The following PIP5K1B variants were observed in gnomAD, a reference collection of about 807,000 sequenced individuals.
The protein encoded by PIP5K1B is phosphatidylinositol-4-phosphate 5-kinase type 1 beta.
Under a neutral mutation model 67.0 loss-of-function variants are expected in PIP5K1B, and 42 were observed. The observed-to-expected ratio is 0.63, with a 90% confidence interval of 0.49 to 0.81. The LOEUF (loss-of-function observed/expected upper bound fraction) is 0.81, where lower values mean the gene tolerates loss of function less well. Ranked by LOEUF, PIP5K1B falls within the 30% of genes least tolerant of loss-of-function variation. The pLI is 0.00. For missense variants in PIP5K1B, 459 were observed against 646.3 expected (o/e 0.71, Z 3.14); for synonymous variants, 214 against 231.4 (o/e 0.92, Z 0.68).
intron 2 of PIP5K1B, among the ~76,000 whole-genome samples, chr9:68,752,634 G>A (rs1415933801): frequency 1.3e-5 from 2 of 151,784 alleles, no homozygotes; most frequent in African/African-American, 4.8e-5. Context: ...GGACTGCAAA[G>A]CCCATATTTC....
intron 14 of PIP5K1B, among the ~76,000 whole-genome samples, chr9:68,981,494 G>A (rs1377230586): frequency 6.6e-6 from 1 of 151,946 alleles, no homozygotes; most frequent in Non-Finnish European, 1.5e-5. Context: ...GGGGAGGGCA[G>A]GAGGTTGTTG....
intron 4 of PIP5K1B, among the ~76,000 whole-genome samples, chr9:68,862,515 C>T (rs1341181035): frequency 1.3e-5 from 2 of 151,970 alleles, no homozygotes; most frequent in East Asian, 1.9e-4. Flanking sequence ...GGAAGTGGGC[C>T]GGGCATGGTG....
intron 12 of PIP5K1B, among the ~76,000 whole-genome samples, chr9:68,932,237 G>A (rs1014286367): frequency 1.4e-4 from 22 of 151,932 alleles, no homozygotes; most frequent in African/African-American, 4.8e-4. Flanking sequence ...CTGTTTCTTC[G>A]TTTAGAGAAA....
chr9:68,974,766 T>C (rs1829552832), intron 14 of PIP5K1B, among the ~76,000 whole-genome samples: 1 of 152,272 alleles, frequency 6.6e-6, no homozygotes, highest in Non-Finnish European at 1.5e-5. Context: ...TGAACAGTTA[T>C]AATTACAGTG....
In PIP5K1B at chr9:68,932,124, A is replaced by G. The variant is rs186181686; in HGVS notation, c.1202-2766A>G. On this transcript the variant is annotated intron_variant, in intron 12 of 15. Coordinates refer to ENST00000265382, the MANE Select transcript of PIP5K1B (RefSeq NM_003558.4). The stretch of plus-strand genomic sequence containing the variant: ...TTTCCAGTCTTTTGGCCCTCACTCC[A>G]TGAAATGCCATGAGTATAGGTCTCC... Among the ~76,000 whole-genome samples, 315 of 152,310 alleles carry G rather than the reference A, an allele frequency of 2.1e-3. 4 individuals carry two copies. The highest frequency in any genetic ancestry group is 3.5e-3 in the Non-Finnish European group (241 of 68,034).
At chr9:68,968,142 C>G (rs1829136662) in intron 14 of PIP5K1B, among the ~76,000 whole-genome samples, 1 of 152,156 alleles carries the variant, frequency 6.6e-6, no homozygotes, top group Admixed American at 6.5e-5. Flanking sequence ...AGTCCCTTTC[C>G]TCATCTATAT....
chr9:69,000,894 C>CTTTTTTTTTTTTT (rs35077587), intron 15 of PIP5K1B, among the ~76,000 whole-genome samples: 1 of 144,538 alleles, frequency 6.9e-6, no homozygotes, highest in African/African-American at 2.6e-5. Flanking sequence ...GGGAGCACAA[C>CTTTTTTTTTTTTT]TTTTTTTTTT....
chr9:68,935,174 A>C, intron 13 of PIP5K1B, 129 bp downstream of exon 13: 1 of 817,558 alleles, frequency 1.2e-6, no homozygotes, highest in Non-Finnish European at 1.9e-6. Flanking sequence ...TTTTTAAAGG[A>C]TAGCTGCAGT....
At chr9:69,007,809 A>T (rs1378639576) in intron 15 of PIP5K1B, among the ~76,000 whole-genome samples, 1 of 152,010 alleles carries the variant, frequency 6.6e-6, no homozygotes, top group African/African-American at 2.4e-5. Context: ...GTGAGCTGAG[A>T]TCTTGCCACT....
At chr9:68,917,928 A>G (rs1381055412) in intron 9 of PIP5K1B, among the ~76,000 whole-genome samples, 169 bp downstream of exon 9, 1 of 152,156 alleles carries the variant, frequency 6.6e-6, no homozygotes. Flanking sequence ...AGATAACTAG[A>G]TGAGTGGCAG....
At chr9:68,853,773 C>T (rs1052069636) in intron 4 of PIP5K1B, among the ~76,000 whole-genome samples, 10 of 151,992 alleles carry the variant, frequency 6.6e-5, no homozygotes, top group East Asian at 1.9e-4. Context: ...TAGCCATTTG[C>T]GGGGGAGAAC....
chr9:68,903,306 T>C (rs1825454794), intron 8 of PIP5K1B, among the ~76,000 whole-genome samples: 1 of 152,206 alleles, frequency 6.6e-6, no homozygotes, highest in African/African-American at 2.4e-5. Flanking sequence ...ATGCACATAA[T>C]AAAAGCAGGT....
At chr9:68,857,959 T>TCTG (rs1554724719) in intron 4 of PIP5K1B, among the ~76,000 whole-genome samples, 1 of 149,306 alleles carries the variant, frequency 6.7e-6, no homozygotes, top group Non-Finnish European at 1.5e-5. Flanking sequence ...CTCTTGCTGT[T>TCTG]TTGTTGTTGT....
In PIP5K1B at chr9:68,991,314, C is replaced by T. The variant is rs1830357324; in HGVS notation, c.1620+57C>T. On this transcript the variant is annotated intron_variant, in intron 15 of 15. Transcript: ENST00000265382. ...TTCTGGTTTGTAAATGGATCCAGGC[C>T]ATGGCTTACACAAGAACAAGTTCAA... 4 of 907,638 alleles carry T rather than the reference C, an allele frequency of 4.4e-6. No individual in the cohort carries two copies. In the South Asian group the frequency reaches 5.3e-5, roughly 12 times the overall value. The allele number at this position is 907,638 out of a possible 1,614,324, so 56.2% of individuals were successfully genotyped here. A position where few individuals can be genotyped will look rare whatever the true frequency, so the allele number is the denominator to read the frequency against.
chr9:68,923,263 A>G, intron 11 of PIP5K1B, 39 bp from the exon 12 acceptor site: 1 of 1,090,200 alleles, frequency 9.2e-7, no homozygotes, highest in East Asian at 2.4e-5. Flanking sequence ...GATGAACATT[A>G]AGAGGTGACC....
Position 68,789,515 on chromosome 9 carries a change from AG to A in PIP5K1B, c.-85-28942del, listed in dbSNP as rs543256888. On this transcript the variant is annotated intron_variant, in intron 2 of 15. Coordinates refer to ENST00000265382, the MANE Select transcript of PIP5K1B (RefSeq NM_003558.4). ...GGTAAACACTTAAGAGACAGTGGTGAGGGGTAGGGATAACTGGAGGCACACT... is the reference window on the plus strand; with the variant it reads ...GGTAAACACTTAAGAGACAGTGGTGAGGGTAGGGATAACTGGAGGCACACT... The A allele has an allele frequency of 2.0e-4, 106 of 519,662 alleles. 1 individual carries two copies. In the East Asian group the frequency reaches 5.5e-3, roughly 27 times the overall value. The allele number at this position is 519,662 out of a possible 1,614,324, so 32.2% of individuals were successfully genotyped here. A position where few individuals can be genotyped will look rare whatever the true frequency, so the allele number is the denominator to read the frequency against.
At chr9:68,785,901 G>A (rs933412537) in intron 2 of PIP5K1B, among the ~76,000 whole-genome samples, 2 of 152,166 alleles carry the variant, frequency 1.3e-5, no homozygotes, top group African/African-American at 4.8e-5. Flanking sequence ...TTTATGAAGC[G>A]ATTGTTTCTG....
intron 4 of PIP5K1B, among the ~76,000 whole-genome samples, chr9:68,846,564 G>A (rs1185777734): frequency 1.3e-5 from 2 of 152,186 alleles, no homozygotes; most frequent in East Asian, 3.8e-4. Flanking sequence ...TTGGTAAACA[G>A]CAAGTCACAG....
At chr9:68,975,143 G>A (rs1044136506) in intron 14 of PIP5K1B, among the ~76,000 whole-genome samples, 12 of 152,174 alleles carry the variant, frequency 7.9e-5, no homozygotes, top group African/African-American at 2.4e-4. Context: ...ATCACAGCTC[G>A]CTGCAGCCTC....
Sources: allele counts gnomAD v4.1 joint callset (sites outside exome capture counted in the v4.1 genomes callset), GRCh38; gene constraint gnomAD v4.1.1; transcripts MANE v1.5; gene names NCBI Gene and HGNC (gene_info 2026-07-23, HGNC 2026-07-21).